MASP1: variants seen among roughly 807,000 people sequenced by gnomAD.
MASP1 encodes MBL associated serine protease 1.
Under a neutral mutation model 77.1 loss-of-function variants are expected in MASP1, and 59 were observed. The observed-to-expected ratio is 0.77, with a 90% CI of 0.62 to 0.95. MASP1 has a LOEUF of 0.95. MASP1 is among the 40% of genes least tolerant of loss of function. The pLI is 0.00. For missense variants in MASP1, 885 were observed against 912.9 expected (o/e 0.97, Z 0.39); for synonymous variants, 362 against 354.5 (o/e 1.02, Z -0.24).
intron 3 of MASP1, among the ~76,000 whole-genome samples, chr3:187,262,199 CATGAG>C (rs1429863649): frequency 6.6e-6 from 1 of 152,140 alleles, no homozygotes; most frequent in Admixed American, 6.5e-5. Context: ...CAAATGTATA[CATGAG>C]ATATGTATAT....
intron 15 of MASP1, among the ~76,000 whole-genome samples, chr3:187,220,534 C>T (rs1711993730): frequency 1.5e-5 from 2 of 129,150 alleles, no homozygotes; most frequent in South Asian, 2.5e-4. Flanking sequence ...CTCGCTCTGT[C>T]ACACCCAGGC....
chr3:187,284,698 A>G (rs1717706732), intron 2 of MASP1, among the ~76,000 whole-genome samples: 1 of 152,182 alleles, frequency 6.6e-6, no homozygotes, highest in Admixed American at 6.5e-5. Context: ...GTGATTCAAA[A>G]ACACAAGGCA....
chr3:187,234,902 G>A lies in MASP1; in HGVS notation c.*782C>T, dbSNP rs369204946. The A allele has an allele frequency of 3.3e-5, 43 of 1,287,164 alleles. No individual in the cohort carries two copies. The highest frequency in any genetic ancestry group is 6.5e-4 in the Middle Eastern group (2 of 3,064). The allele number at this position is 1,287,164 out of a possible 1,614,324, so 79.7% of individuals were successfully genotyped here. On this transcript the variant is annotated 3_prime_UTR_variant, in exon 11 of 11. Coordinates refer to ENST00000296280, the MANE Select transcript of MASP1 (RefSeq NM_139125.4). ...GGTGTGGACGCCCATGGTGTCAGCT[G>A]GTGTTCCAGGGTGGCATATGGGCCC...
In MASP1 at chr3:187,250,279, C is replaced by T. The variant is rs116763673; in HGVS notation, c.1062G>A (p.Thr354=). Residue 354 remains threonine (T), a synonymous_variant, in exon 8 of 11, where the codon ACG becomes ACA. Coordinates refer to ENST00000296280, the MANE Select transcript of MASP1 (RefSeq NM_139125.4). The stretch of plus-strand genomic sequence containing the variant: ...TACAGGTGGGAATCTTGTTACTCCA[C>T]GTCCCATCCTTCAGACACTCAATCT... ...TFQIECLKDG[T]WSNKIPTCKI... is the part of the protein sequence containing the mutation. 2,231 of 1,613,946 alleles carry T rather than the reference C, an allele frequency of 1.4e-3. 23 individuals carry two copies. The highest frequency in any genetic ancestry group is 9.1e-3 in the African/African-American group (680 of 75,048).
At position 187,243,557 on chromosome 3, in the gene MASP1, G is replaced by A. The variant is rs183144579; in HGVS notation, c.1155C>T (p.Asn385=). 413 of 1,614,110 alleles carry A rather than the reference G, an allele frequency of 2.6e-4. 1 individual carries two copies. In the Middle Eastern group the frequency reaches 6.6e-3, roughly 26 times the overall value. Residue 385 remains asparagine (N), a synonymous_variant, in exon 9 of 11, where the codon AAC becomes AAT. Transcript: ENST00000296280. ...TGATCTCAGACTTGTATGTGGTGAG[G>A]TTGTTCCTTGTAGAGAAGGTGATCA... ...HGLITFSTRN[N]LTTYKSEIKY...
intron 2 of MASP1, among the ~76,000 whole-genome samples, chr3:187,265,788 A>C (rs1560024117): frequency 6.6e-6 from 1 of 152,222 alleles, no homozygotes; most frequent in Non-Finnish European, 1.5e-5. Flanking sequence ...CAGAGAGTAC[A>C]TGACTAAAGA....
downstream of MASP1, among the ~76,000 whole-genome samples, chr3:187,233,204 A>T (rs73068948): frequency 2.1e-3 from 325 of 152,182 alleles, no homozygotes; most frequent in African/African-American, 7.0e-3. Context: ...ACTGAATTCA[A>T]ATTTTCCAGT....
At chr3:187,286,223 A>G (rs2108612034) in intron 1 of MASP1, 167 bp from the exon 2 acceptor site, 1 of 648,696 alleles carries the variant, frequency 1.5e-6, no homozygotes, top group East Asian at 2.7e-5. Context: ...ATGGGAATAT[A>G]GTAACTAGAT....
At chr3:187,280,293 G>A (rs1052709348) in intron 2 of MASP1, among the ~76,000 whole-genome samples, 3 of 152,226 alleles carry the variant, frequency 2.0e-5, no homozygotes, top group African/African-American at 7.2e-5. Context: ...AAGGAGAACA[G>A]TGGCATTGCA....
In MASP1 at chr3:187,236,491, G is replaced by A. The variant is rs1713195888; in HGVS notation, c.1380C>T (p.Leu460=). 3 of 1,614,082 alleles carry A rather than the reference G, an allele frequency of 1.9e-6. No individual in the cohort carries two copies. Among genetic ancestry groups the A allele is most frequent in the Non-Finnish European group, 2.5e-6 (3 of 1,180,010 alleles). ...CCACTATCAGGGCCTGCCACGGGAAGAGGCCAGGCTCAGCATTTCGGCCCC... is the reference window on the plus strand; with the variant it reads ...CCACTATCAGGGCCTGCCACGGGAAAAGGCCAGGCTCAGCATTTCGGCCCC... ...IIGGRNAEPG[L]FPWQALIVVE... Residue 460 remains leucine, a synonymous_variant, in exon 11 of 11, where the codon CTC becomes CTT. Coordinates refer to ENST00000296280, the MANE Select transcript of MASP1 (RefSeq NM_139125.4).
In MASP1 at chr3:187,241,816, A is replaced by C. The variant is rs1713668143; in HGVS notation, c.1229-261T>G. On this transcript the variant is annotated intron_variant, in intron 9 of 10. Coordinates refer to ENST00000296280, the MANE Select transcript of MASP1 (RefSeq NM_139125.4). ...ATCTTCAAATACCCACAGGGCTACC[A>C]TCCTAGTCCTTCTATCAAACTCCCT... The C allele has an allele frequency of 9.9e-6, 4 of 404,100 alleles. No individual in the cohort carries two copies. In the Admixed American group the frequency reaches 1.5e-4, roughly 15 times the overall value. 25.0% of individuals were successfully genotyped at this position (404,100 alleles called of 1,614,324 possible).
intron 7 of MASP1, among the ~76,000 whole-genome samples, chr3:187,250,666 A>G (rs1366028749): frequency 6.6e-6 from 1 of 152,172 alleles, no homozygotes. Context: ...TTGTTAAAAC[A>G]TAGGCTGCTG....
chr3:187,248,687 C>T (rs558853217), intron 8 of MASP1, among the ~76,000 whole-genome samples: 157 of 152,224 alleles, frequency 1.0e-3, no homozygotes, highest in African/African-American at 2.9e-3. Context: ...CCGCCATGCC[C>T]GGACCTTGTC....
intron 2 of MASP1, among the ~76,000 whole-genome samples, chr3:187,264,646 A>G (rs1164572326): frequency 6.6e-6 from 1 of 152,144 alleles, no homozygotes; most frequent in African/African-American, 2.4e-5. Flanking sequence ...GGCGTTAAAC[A>G]TTGCCGGACT....
At position 187,290,819 on chromosome 3, in the gene MASP1, A is replaced by C. The variant is rs1718259332; in HGVS notation, c.5+809T>G. On this transcript the variant is annotated intron_variant, in intron 1 of 10. Transcript: ENST00000296280. ...GTGTGTGTAACAGCATTAACACTTA[A>C]CTAATAAAAATAACTAGGGTGGTTG... 2.0e-5 allele frequency among the ~76,000 whole-genome samples: 3 copies of C among 151,770 alleles called. No individual in the cohort carries two copies. The South Asian group carries it at 6.2e-4, about 32-fold the overall frequency.
At chr3:187,247,494 C>A in intron 8 of MASP1, 1 of 1,210,112 alleles carries the variant, frequency 8.3e-7, no homozygotes, top group Non-Finnish European at 1.2e-6. Flanking sequence ...ACAGTTTATG[C>A]AGGAAATACA....
chr3:187,225,242 G>T, intron 13 of MASP1: 1 of 1,484,238 alleles, frequency 6.7e-7, no homozygotes, highest in Non-Finnish European at 9.4e-7. Flanking sequence ...GACTTAATTG[G>T]CACCAGAGCT....
At position 187,281,420 on chromosome 3, in the gene MASP1, A is replaced by G. The variant is rs966324965; in HGVS notation, c.237+4405T>C. Among the ~76,000 whole-genome samples the G allele has an allele frequency of 2.0e-5, 3 of 152,236 alleles. No individual in the cohort carries two copies. The East Asian group carries it at 5.8e-4, about 29-fold the overall frequency. ...TGGAAGGTTTCTTAAACCTACTCCT[A>G]TGTAGGCCTGTGAGGAGAATTTAGT... On this transcript the variant is annotated intron_variant, in intron 2 of 10. Coordinates refer to ENST00000296280, the MANE Select transcript of MASP1 (RefSeq NM_139125.4).
At chr3:187,237,941 T>C (rs941672020) in intron 10 of MASP1, among the ~76,000 whole-genome samples, 1 of 152,236 alleles carries the variant, frequency 6.6e-6, no homozygotes, top group Admixed American at 6.5e-5. Context: ...GGCCAGATGC[T>C]TCTTGCTTGA....
Sources: allele counts gnomAD v4.1 joint callset (sites outside exome capture counted in the v4.1 genomes callset), GRCh38; gene constraint gnomAD v4.1.1; transcripts MANE v1.5; gene names NCBI Gene and HGNC (gene_info 2026-07-23, HGNC 2026-07-21).